SOX5: variants seen among roughly 807,000 people sequenced by gnomAD.
The protein encoded by SOX5 is SRY-box transcription factor 5.
SOX5 carries 9 observed loss-of-function variants against 92.0 expected under a neutral mutation model. That is an observed-to-expected ratio of 0.10 (90% CI 0.06 to 0.17). The LOEUF is 0.17. Ranked by LOEUF, SOX5 falls within the 10% of genes least tolerant of loss-of-function variation. The pLI, the probability that SOX5 is intolerant of heterozygous loss-of-function variation, is 1.00. For synonymous variants in SOX5, 344 were observed against 336.3 expected, an observed-to-expected ratio of 1.02 and a Z score of -0.25; for missense variants, 642 against 944.5, an observed-to-expected ratio of 0.68 and a Z score of 4.20.
chr12:24,364,872 G>A (rs1031343538), intron 2 of SOX5, among the ~76,000 whole-genome samples: 1 of 152,084 alleles, frequency 6.6e-6, no homozygotes, highest in East Asian at 1.9e-4. Flanking sequence ...AAGAACTGGT[G>A]GCAAACAGAG....
At chr12:24,056,883 G>A (rs1411276480) in intron 4 of SOX5, among the ~76,000 whole-genome samples, 3 of 144,478 alleles carry the variant, frequency 2.1e-5, no homozygotes, top group African/African-American at 5.1e-5. Flanking sequence ...GCTGAGGCAG[G>A]AGAATGGCGT....
At chr12:24,173,481 G>A (rs1042556426) in intron 4 of SOX5, among the ~76,000 whole-genome samples, 3 of 152,202 alleles carry the variant, frequency 2.0e-5, no homozygotes, top group African/African-American at 7.2e-5. Flanking sequence ...ATAAATGAGG[G>A]GCAGCTGATA....
At chr12:23,809,017 A>T (rs2095829838) in intron 3 of SOX5, among the ~76,000 whole-genome samples, 1 of 152,110 alleles carries the variant, frequency 6.6e-6, no homozygotes, top group African/African-American at 2.4e-5. Context: ...TATCCTTCAA[A>T]CTCATGTATT....
chr12:24,165,089 A>G (rs1438262470), intron 4 of SOX5, among the ~76,000 whole-genome samples: 1 of 152,106 alleles, frequency 6.6e-6, no homozygotes, highest in Non-Finnish European at 1.5e-5. Flanking sequence ...ACACAGTAAC[A>G]TTCACATTTT....
intron 4 of SOX5, among the ~76,000 whole-genome samples, chr12:23,969,446 T>C (rs963008957): frequency 1.3e-4 from 20 of 152,136 alleles, no homozygotes; most frequent in Non-Finnish European, 2.4e-4. Flanking sequence ...ATCTAAAACC[T>C]TTAGTATGGC....
chr12:24,422,852 A>G (rs1441551897), intron 1 of SOX5, among the ~76,000 whole-genome samples: 1 of 152,172 alleles, frequency 6.6e-6, no homozygotes, highest in Non-Finnish European at 1.5e-5. Context: ...TCCTACAAAA[A>G]AATTAAAAAT....
At chr12:24,336,735 C>T (rs1306016338) in intron 2 of SOX5, among the ~76,000 whole-genome samples, 1 of 152,098 alleles carries the variant, frequency 6.6e-6, no homozygotes, top group Non-Finnish European at 1.5e-5. Context: ...CTGTTAAAGA[C>T]ATATGAAATA....
intron 1 of SOX5, among the ~76,000 whole-genome samples, chr12:24,445,795 G>T (rs1476974451): frequency 6.6e-6 from 1 of 152,194 alleles, no homozygotes; most frequent in East Asian, 1.9e-4. Flanking sequence ...AATGGAATGA[G>T]ACATACAGGG....
At chr12:24,452,417 G>A (rs976543592) in intron 1 of SOX5, among the ~76,000 whole-genome samples, 1 of 152,190 alleles carries the variant, frequency 6.6e-6, no homozygotes, top group Admixed American at 6.5e-5. Context: ...GTTCGGAGCA[G>A]GAATGTGTCC....
At chr12:23,593,423 C>A (rs1478028883) in intron 9 of SOX5, among the ~76,000 whole-genome samples, 1 of 152,174 alleles carries the variant, frequency 6.6e-6, no homozygotes, top group African/African-American at 2.4e-5. Context: ...TGGAGAACCT[C>A]ATTTTCTTAT....
At chr12:24,019,081 C>A (rs186240063) in intron 4 of SOX5, among the ~76,000 whole-genome samples, 1 of 152,194 alleles carries the variant, frequency 6.6e-6, no homozygotes, top group East Asian at 1.9e-4. Context: ...ACAAGCAACC[C>A]TTCCCCTCCA....
At chr12:24,403,696 AAATCACGGTTAGATCCCTG>A (rs1962275117) in intron 1 of SOX5, among the ~76,000 whole-genome samples, 1 of 152,220 alleles carries the variant, frequency 6.6e-6, no homozygotes, top group Non-Finnish European at 1.5e-5. Flanking sequence ...ACTTTACTTA[AAATCACGGTTAGATCCCTG>A]TACACAATTA....
chr12:24,164,000 GTATAT>G (rs1469748279), intron 4 of SOX5, among the ~76,000 whole-genome samples: 1 of 152,046 alleles, frequency 6.6e-6, no homozygotes, highest in African/African-American at 2.4e-5. Flanking sequence ...AAATAGTATA[GTATAT>G]GATACAGGAT....
intron 2 of SOX5, among the ~76,000 whole-genome samples, chr12:24,325,750 C>T (rs1950616811): frequency 6.6e-6 from 1 of 152,126 alleles, no homozygotes; most frequent in Non-Finnish European, 1.5e-5. Context: ...CCATAATTAG[C>T]AAGAATGAGA....
At chr12:24,458,035 C>G (rs1296446868) in intron 1 of SOX5, among the ~76,000 whole-genome samples, 1 of 137,586 alleles carries the variant, frequency 7.3e-6, no homozygotes, top group Non-Finnish European at 1.7e-5. Context: ...TGCAGGTAAA[C>G]TATTTTTTTT....
intron 2 of SOX5, among the ~76,000 whole-genome samples, chr12:23,872,342 T>A (rs954448880): frequency 1.9e-4 from 29 of 152,024 alleles, no homozygotes; most frequent in Admixed American, 3.3e-4. Context: ...TTTGTACATG[T>A]TACATTTATC....
intron 1 of SOX5, among the ~76,000 whole-genome samples, chr12:24,391,379 G>A (rs954624322): frequency 2.6e-5 from 4 of 151,976 alleles, no homozygotes; most frequent in African/African-American, 9.7e-5. Context: ...AGATAAAATG[G>A]GTAAAAGTAC....
chr12:24,449,814 G>C (rs1464797974), intron 1 of SOX5, among the ~76,000 whole-genome samples: 4 of 152,108 alleles, frequency 2.6e-5, no homozygotes, highest in African/African-American at 7.2e-5. Context: ...TCATCCACCA[G>C]TCTTTTCCCA....
intron 1 of SOX5, among the ~76,000 whole-genome samples, chr12:24,535,798 A>G (rs957411398): frequency 1.1e-4 from 17 of 152,262 alleles, no homozygotes; most frequent in African/African-American, 3.6e-4. Context: ...TTCCTGATAG[A>G]ACCATTCCAT....
Sources: allele counts gnomAD v4.1 joint callset (sites outside exome capture counted in the v4.1 genomes callset), GRCh38; gene constraint gnomAD v4.1.1; transcripts MANE v1.5; gene names NCBI Gene and HGNC (gene_info 2026-07-23, HGNC 2026-07-21).